Variants in MICALL1 observed in about 807,000 individuals in gnomAD.
MICALL1 encodes MICAL like 1.
MICALL1 carries 61 observed loss-of-function variants against 83.7 expected under a neutral mutation model. The ratio of observed to expected loss-of-function variants is 0.73; its 90% CI spans 0.59 to 0.90. The LOEUF is 0.90. Among genes scored for constraint, MICALL1 ranks in the 40% least tolerant of loss-of-function variants. The probability of loss-of-function intolerance (pLI) is 0.00; values close to 1 mark genes in which losing one functional copy is unlikely to be tolerated. For missense variants in MICALL1, 1,066 were observed against 1,152.0 expected, an observed-to-expected ratio of 0.93 and a Z score of 1.08; for synonymous variants, 481 against 473.6, an observed-to-expected ratio of 1.02 and a Z score of -0.20.
At chr22:37,923,781 C>T (rs919619253) in intron 6 of MICALL1, among the ~76,000 whole-genome samples, 1 of 152,312 alleles carries the variant, frequency 6.6e-6, no homozygotes, top group African/African-American at 2.4e-5. Flanking sequence ...TCCTGTGTGT[C>T]CTGGCCCATC....
chr22:37,929,154 C>T lies in MICALL1; in HGVS notation c.1881+1328C>T, dbSNP rs922198212. 2.6e-5 allele frequency among the ~76,000 whole-genome samples: 4 copies of T among 152,048 alleles called. No homozygotes were observed. In the East Asian group the frequency reaches 5.8e-4, roughly 22 times the overall value. ...CCTGTCTTTGGCCTCCAGGGGCTCA[C>T]GATCTGCTCAGGGAGATAGGCATAA... On this transcript the variant is annotated intron_variant, in intron 9 of 15. Coordinates refer to ENST00000215957, the MANE Select transcript of MICALL1 (RefSeq NM_033386.4).
intron 13 of MICALL1, among the ~76,000 whole-genome samples, chr22:37,934,617 G>A (rs1317461431): frequency 6.7e-6 from 1 of 149,844 alleles, no homozygotes; most frequent in Non-Finnish European, 1.5e-5. Flanking sequence ...TTTTTTTTGA[G>A]ACAGAGTCTC....
chr22:37,935,936 C>T (rs1342318187), intron 13 of MICALL1, among the ~76,000 whole-genome samples: 1 of 151,972 alleles, frequency 6.6e-6, no homozygotes, highest in Admixed American at 6.6e-5. Flanking sequence ...CACCATTTGG[C>T]CAGGCTGGTC....
At chr22:37,908,940 G>C (rs1320913649) in intron 1 of MICALL1, among the ~76,000 whole-genome samples, 1 of 152,234 alleles carries the variant, frequency 6.6e-6, no homozygotes, top group Non-Finnish European at 1.5e-5. Flanking sequence ...GTGTAGCTGA[G>C]TGGGGAGCAC....
chr22:37,937,239 A>C, intron 14 of MICALL1, 45 bp downstream of exon 14: 1 of 1,244,150 alleles, frequency 8.0e-7, no homozygotes, highest in Admixed American at 2.1e-5. Context: ...GGGCCAGAGC[A>C]GGTCAGGCTC....
rs191088167 is a variant in MICALL1 at position 37,927,400 on chromosome 22, C to T, written c.1466-11C>T. The T allele has an allele frequency of 2.4e-5, 37 of 1,561,242 alleles. No individual in the cohort carries two copies. The highest frequency in any genetic ancestry group is 1.1e-4 in the East Asian group (5 of 43,932). On this transcript the variant is annotated splice_polypyrimidine_tract_variant and intron_variant, in intron 8 of 15. Transcript: ENST00000215957. ...TCCCCTTGTGAGGTGTCCTGGTGCT[C>T]GTCCGCACAGCTCTCCACGCCTCCC...
In MICALL1 at chr22:37,930,856, C is replaced by A. The variant is rs983496659; in HGVS notation, c.1882-943C>A. On this transcript the variant is annotated intron_variant, in intron 9 of 15. Coordinates refer to ENST00000215957, the MANE Select transcript of MICALL1 (RefSeq NM_033386.4). This position sits in a 1 kb window ranked among gnomAD's most constrained non-coding sequence, Gnocchi z 4.8. ...GGTCAAACACTTCCTGGCTGGGTGA[C>A]CCTGGGTGAGGAACTTCACCTCTCT... Among the ~76,000 whole-genome samples, 1 of 152,202 alleles carries A rather than the reference C, an allele frequency of 6.6e-6. No homozygotes were observed. Among genetic ancestry groups the A allele is most frequent in the Non-Finnish European group, 1.5e-5 (1 of 68,034 alleles).
At chr22:37,909,363 A>G (rs1304315226) in intron 1 of MICALL1, among the ~76,000 whole-genome samples, 1 of 135,712 alleles carries the variant, frequency 7.4e-6, no homozygotes, top group Non-Finnish European at 1.5e-5. Flanking sequence ...CGAGCCACGT[A>G]GGTTTTTTTT....
At chr22:37,934,750 C>T (rs1451799783) in intron 13 of MICALL1, among the ~76,000 whole-genome samples, 3 of 150,862 alleles carry the variant, frequency 2.0e-5, no homozygotes, top group African/African-American at 7.3e-5. Flanking sequence ...GCGCCTGCCA[C>T]CACGCCCGGC....
In MICALL1 at chr22:37,927,783, C is replaced by T. The variant is rs779509365; in HGVS notation, c.1838C>T (p.Pro613Leu). ...TPLLLVGDRS[P>L]VPSPGSSSPQ... ...CTCTTGTTGGTTGGAGACAGGAGCC[C>T]GGTGCCTTCCCCTGGAAGCTCGTCC... Residue 613 changes from proline to leucine, a missense_variant, in exon 9 of 16, where the codon CCG (proline) becomes CTG (leucine). By Grantham distance (98) the Pro-to-Leu change is moderately conservative (BLOSUM62 -3). Coordinates refer to ENST00000215957, the MANE Select transcript of MICALL1 (RefSeq NM_033386.4). 1.1e-5 allele frequency: 17 copies of T among 1,612,132 alleles called. No individual in the cohort carries two copies. Among genetic ancestry groups the T allele is most frequent in the South Asian group, 3.3e-5 (3 of 91,036 alleles).
chr22:37,942,212 G>A lies in MICALL1; in HGVS notation c.*1382G>A, dbSNP rs2145680632. 1 of 152,388 alleles carries A rather than the reference G, an allele frequency of 6.6e-6. No individual in the cohort carries two copies. The highest frequency in any genetic ancestry group is 6.5e-5 in the Admixed American group (1 of 15,300). 9.4% of individuals were successfully genotyped at this position (152,388 alleles called of 1,614,324 possible). ...GTGGCTCCTCGGCCATGCAGCCCCT[G>A]GCAGGCTCCTTCTAAACATGCCTGT... is the stretch of plus-strand genomic sequence containing the variant. On this transcript the variant is annotated 3_prime_UTR_variant, in exon 16 of 16. Transcript: ENST00000215957.
At position 37,918,665 on chromosome 22, in the gene MICALL1, G is replaced by A. The variant is rs532273535; in HGVS notation, c.427-371G>A. On this transcript the variant is annotated intron_variant, in intron 4 of 15. Transcript: ENST00000215957. ...GGGAGGACAGGAACCTGTCAGGGGG[G>A]CTCCCCCGCAAAGGGGAGGAGGAGG... 5.6e-4 allele frequency among the ~76,000 whole-genome samples: 86 copies of A among 152,356 alleles called. 1 individual carries two copies. Among genetic ancestry groups the A allele is most frequent in the South Asian group, 1.2e-3 (6 of 4,834 alleles).
intron 1 of MICALL1, 39 bp from the exon 2 acceptor site, chr22:37,911,913 T>TC: frequency 1.2e-6 from 2 of 1,609,536 alleles, no homozygotes; most frequent in Non-Finnish European, 1.7e-6. Flanking sequence ...CCCAGTCACC[T>TC]CCCCTCTTGA....
Position 37,941,026 on chromosome 22 carries a change from C to T in MICALL1, c.*196C>T, listed in dbSNP as rs760755278. On this transcript the variant is annotated 3_prime_UTR_variant, in exon 16 of 16. Coordinates refer to ENST00000215957, the MANE Select transcript of MICALL1 (RefSeq NM_033386.4). ...GCCAAAGAATCTCTTGTTTCTTCTCCGAGCCCCAGGCAGCGGTGATTCAGC... is the reference window on the plus strand; with the variant it reads ...GCCAAAGAATCTCTTGTTTCTTCTCTGAGCCCCAGGCAGCGGTGATTCAGC... 21 of 619,226 alleles carry T rather than the reference C, an allele frequency of 3.4e-5. No homozygotes were observed. Among genetic ancestry groups the T allele is most frequent in the South Asian group, 1.9e-4 (9 of 48,342 alleles). The allele number at this position is 619,226 out of a possible 1,614,324, so 38.4% of individuals were successfully genotyped here.
chr22:37,919,271 C>G, intron 5 of MICALL1, 93 bp downstream of exon 5: 1 of 1,358,030 alleles, frequency 7.4e-7, no homozygotes, highest in Non-Finnish European at 9.6e-7. Flanking sequence ...TTGCCAGGCC[C>G]TTCACACCAG....
At chr22:37,921,507 A>G (rs1929028827) in intron 5 of MICALL1, among the ~76,000 whole-genome samples, 1 of 152,214 alleles carries the variant, frequency 6.6e-6, no homozygotes, top group Non-Finnish European at 1.5e-5. Context: ...CGAGAGGCGG[A>G]GGTTGCAGTG....
At chr22:37,937,583 C>T (rs1930205998) in intron 14 of MICALL1, among the ~76,000 whole-genome samples, 163 bp from the exon 15 acceptor site, 1 of 152,124 alleles carries the variant, frequency 6.6e-6, no homozygotes, top group Non-Finnish European at 1.5e-5. Context: ...GCCACCACAC[C>T]CAGCTACTTT....
intron 1 of MICALL1, among the ~76,000 whole-genome samples, chr22:37,908,035 C>A (rs912355581): frequency 6.6e-6 from 1 of 152,054 alleles, no homozygotes; most frequent in African/African-American, 2.4e-5. Flanking sequence ...TGGGAGGGGA[C>A]TTGGGTGTGA....
intron 15 of MICALL1, 105 bp downstream of exon 15, chr22:37,937,897 A>C: frequency 7.1e-7 from 1 of 1,417,214 alleles, no homozygotes; most frequent in Non-Finnish European, 9.8e-7. Flanking sequence ...CACTACCAGG[A>C]TGGCTGTGCA....
Sources: gnomAD v4.1 joint callset for allele counts (sites outside exome capture counted in the v4.1 genomes callset) on GRCh38, gnomAD v4.1.1 for gene constraint, Gnocchi (gnomAD v3.1) non-coding constraint, MANE v1.5 for transcripts, NCBI Gene and HGNC (gene_info 2026-07-23, HGNC 2026-07-21) for gene names.